CNTNAP2: variants seen among roughly 807,000 people sequenced by gnomAD.
CNTNAP2 encodes the protein contactin associated protein 2.
In CNTNAP2, 98 loss-of-function variants were observed where a neutral mutation model predicts 155.2. The ratio of observed to expected loss-of-function variants is 0.63; its 90% CI spans 0.54 to 0.75. The LOEUF (loss-of-function observed/expected upper bound fraction) is 0.75, where lower values mean the gene tolerates loss of function less well. CNTNAP2 is among the 30% of genes least tolerant of loss of function. The pLI is 0.00. For synonymous variants in CNTNAP2, 651 were observed against 631.2 expected, an observed-to-expected ratio of 1.03 and a Z score of -0.47; for missense variants, 1,727 against 1,688.1, an observed-to-expected ratio of 1.02 and a Z score of -0.40.
At chr7:147,832,592 T>C (rs999388694) in intron 13 of CNTNAP2, among the ~76,000 whole-genome samples, 2 of 146,078 alleles carry the variant, frequency 1.4e-5, no homozygotes, top group Non-Finnish European at 1.5e-5. Flanking sequence ...GAAATATATA[T>C]TTTTACGTTT....
chr7:146,649,380 G>C (rs541724905), intron 1 of CNTNAP2, among the ~76,000 whole-genome samples: 6 of 152,200 alleles, frequency 3.9e-5, no homozygotes, highest in African/African-American at 1.4e-4. Context: ...TGATGAATGT[G>C]TAAAGTAGTA....
At chr7:146,931,513 C>T (rs1054835015) in intron 3 of CNTNAP2, among the ~76,000 whole-genome samples, 5 of 150,566 alleles carry the variant, frequency 3.3e-5, no homozygotes, top group Admixed American at 2.0e-4. Context: ...ACCCTAACAT[C>T]ACAGTTAAAA....
intron 8 of CNTNAP2, among the ~76,000 whole-genome samples, chr7:147,202,501 T>C (rs1313891505): frequency 2.0e-5 from 3 of 152,216 alleles, no homozygotes; most frequent in Non-Finnish European, 4.4e-5. Context: ...AGTATCAAAC[T>C]GTCCATTAAC....
rs113534458 is a variant in CNTNAP2, at chr7:146,299,870, A to G, written c.97+182897A>G. 5.9e-3 allele frequency among the ~76,000 whole-genome samples: 905 copies of G among 152,334 alleles called. 4 individuals are homozygous for G. Among genetic ancestry groups the G allele is most frequent in the Non-Finnish European group, 0.01 (695 of 68,026 alleles). ...AAGGTAGGTGTAAGATTATAATGGT[A>G]GAGAATAAGTTCAGATATGAAGAAT... On this transcript the variant is annotated intron_variant, in intron 1 of 23. Transcript: ENST00000361727.
At chr7:146,712,740 A>T (rs2129175608) in intron 1 of CNTNAP2, among the ~76,000 whole-genome samples, 1 of 152,046 alleles carries the variant, frequency 6.6e-6, no homozygotes, top group East Asian at 1.9e-4. Context: ...GTTATACACA[A>T]CATGCTTCAT....
intron 1 of CNTNAP2, among the ~76,000 whole-genome samples, chr7:146,470,293 C>A (rs988671313): frequency 1.3e-5 from 2 of 151,790 alleles, no homozygotes; most frequent in African/African-American, 2.4e-5. Context: ...GTTTTCTTTA[C>A]CAAGGCAGCT....
intron 8 of CNTNAP2, among the ~76,000 whole-genome samples, chr7:147,268,365 G>A (rs1378141717): frequency 6.6e-6 from 1 of 152,044 alleles, no homozygotes; most frequent in African/African-American, 2.4e-5. Flanking sequence ...CATGTCCTTT[G>A]CAGGAACATG....
At chr7:147,809,233 T>G (rs1798142835) in intron 13 of CNTNAP2, among the ~76,000 whole-genome samples, 1 of 152,162 alleles carries the variant, frequency 6.6e-6, no homozygotes, top group Non-Finnish European at 1.5e-5. Context: ...TCTCTCCTTG[T>G]TTCCAGTTTC....
chr7:147,557,528 C>T (rs866529305), intron 11 of CNTNAP2, among the ~76,000 whole-genome samples: 1 of 152,112 alleles, frequency 6.6e-6, no homozygotes, highest in East Asian at 1.9e-4. Flanking sequence ...ACTCAATTAT[C>T]GACAATGGTT....
chr7:148,124,142 C>G (rs1804663749), intron 16 of CNTNAP2, among the ~76,000 whole-genome samples: 1 of 152,144 alleles, frequency 6.6e-6, no homozygotes, highest in Non-Finnish European at 1.5e-5. Flanking sequence ...TGGCTGTGGG[C>G]ATGAGGTAGA....
intron 1 of CNTNAP2, among the ~76,000 whole-genome samples, chr7:146,522,163 C>T (rs550229324): frequency 1.6e-4 from 25 of 152,134 alleles, no homozygotes; most frequent in Admixed American, 3.9e-4. Context: ...GAGATACTTG[C>T]AGTAGATAAA....
chr7:147,100,703 C>T (rs908647324), intron 4 of CNTNAP2, among the ~76,000 whole-genome samples: 10 of 152,114 alleles, frequency 6.6e-5, no homozygotes, highest in Non-Finnish European at 8.8e-5. Flanking sequence ...GTAAACTGCA[C>T]GGTCACAGGC....
chr7:146,988,709 T>TA (rs1798159023), intron 3 of CNTNAP2, among the ~76,000 whole-genome samples: 1 of 152,312 alleles, frequency 6.6e-6, no homozygotes, highest in South Asian at 2.1e-4. Flanking sequence ...AACACATGAC[T>TA]AATACACAGA....
chr7:147,083,540 A>G (rs1383058794), intron 4 of CNTNAP2, among the ~76,000 whole-genome samples: 1 of 28,664 alleles, frequency 3.5e-5, no homozygotes, highest in Non-Finnish European at 1.3e-4. Flanking sequence ...ATATATACAT[A>G]TATATATATG....
In CNTNAP2 at chr7:147,047,779, G is replaced by A. The variant is rs531680897; in HGVS notation, c.550+3725G>A. ...CAAGCCTGGGCTTTGACAATTACAA[G>A]ACAAGAAGGAAAAATAACTGAAGCA... On this transcript the variant is annotated intron_variant, in intron 4 of 23. Transcript: ENST00000361727. 3.9e-5 allele frequency among the ~76,000 whole-genome samples: 6 copies of A among 152,262 alleles called. No individual in the cohort carries two copies. The South Asian group carries it at 1.0e-3, about 26-fold the overall frequency.
chr7:146,243,938 G>A (rs569690953), intron 1 of CNTNAP2, among the ~76,000 whole-genome samples: 1 of 152,084 alleles, frequency 6.6e-6, no homozygotes, highest in Non-Finnish European at 1.5e-5. Flanking sequence ...GGGCTGCTTC[G>A]AGCGGGATTA....
intron 1 of CNTNAP2, among the ~76,000 whole-genome samples, chr7:146,642,929 A>G (rs1478121655): frequency 6.6e-6 from 1 of 151,554 alleles, no homozygotes; most frequent in African/African-American, 2.4e-5. Context: ...GCATTGTTTC[A>G]TGTGTTTTTT....
At chr7:146,640,497 G>A (rs962161501) in intron 1 of CNTNAP2, among the ~76,000 whole-genome samples, 1 of 152,196 alleles carries the variant, frequency 6.6e-6, no homozygotes, top group African/African-American at 2.4e-5. Flanking sequence ...TCCTTGCAAT[G>A]TGTAGAGTAT....
At chr7:146,637,141 T>C (rs1787287403) in intron 1 of CNTNAP2, among the ~76,000 whole-genome samples, 1 of 152,224 alleles carries the variant, frequency 6.6e-6, no homozygotes, top group Admixed American at 6.5e-5. Context: ...TTACTTTAAA[T>C]GATCAGAGGA....
Sources: gnomAD v4.1 joint callset for allele counts (sites outside exome capture counted in the v4.1 genomes callset) on GRCh38, gnomAD v4.1.1 for gene constraint, MANE v1.5 for transcripts, NCBI Gene and HGNC (gene_info 2026-07-23, HGNC 2026-07-21) for gene names.